Variants in CNTLN observed in about 807,000 individuals in gnomAD.
CNTLN encodes centlein.
A neutral mutation model predicts 180.0 loss-of-function variants in CNTLN; 212 were observed. That is an observed-to-expected ratio of 1.18 (90% CI 1.05 to 1.32). The LOEUF (loss-of-function observed/expected upper bound fraction) is 1.32. CNTLN is among the 40% of genes most tolerant of loss of function. The pLI is 0.00. For synonymous variants in CNTLN, 722 were observed against 563.1 expected (o/e 1.28, Z -3.99); for missense variants, 2,095 against 1,610.9 (o/e 1.30, Z -5.14).
At chr9:17,448,807 C>T (rs1185060884) in intron 18 of CNTLN, among the ~76,000 whole-genome samples, 1 of 151,822 alleles carries the variant, frequency 6.6e-6, no homozygotes, top group Non-Finnish European at 1.5e-5. Context: ...AAAATATTGA[C>T]AAAGAGGGTG....
intron 6 of CNTLN, among the ~76,000 whole-genome samples, chr9:17,276,603 C>T (rs1480619439): frequency 6.6e-6 from 1 of 151,768 alleles, no homozygotes; most frequent in African/African-American, 2.4e-5. Flanking sequence ...ATGATTTTTG[C>T]CTAGGTTACA....
chr9:17,386,020 C>T (rs939115172), intron 13 of CNTLN, among the ~76,000 whole-genome samples: 1 of 152,110 alleles, frequency 6.6e-6, no homozygotes, highest in Admixed American at 6.5e-5. Flanking sequence ...ATTGCCCATA[C>T]AATAAGTTGA....
intron 11 of CNTLN, 65 bp downstream of exon 11, chr9:17,341,013 G>C (rs1821440336): frequency 1.4e-6 from 2 of 1,402,124 alleles, no homozygotes; most frequent in South Asian, 1.7e-5. Context: ...GCATTATATA[G>C]GTGTCTTAAT....
intron 5 of CNTLN, among the ~76,000 whole-genome samples, chr9:17,269,704 T>C (rs1827793992): frequency 1.3e-5 from 2 of 152,170 alleles, no homozygotes; most frequent in Admixed American, 1.3e-4. Context: ...ATGTTTCATG[T>C]GCCATTAAGA....
At chr9:17,515,931 T>C in the CNTLN span, among the ~76,000 whole-genome samples, 3 of 152,192 alleles carry the variant, frequency 2.0e-5, no homozygotes, top group African/African-American at 7.2e-5. Flanking sequence ...CCTTCAGCCT[T>C]CAAGGCCTGC....
chr9:17,525,360 G>A, the CNTLN span, among the ~76,000 whole-genome samples: 2 of 152,120 alleles, frequency 1.3e-5, no homozygotes, highest in African/African-American at 2.4e-5. Flanking sequence ...ATGGGTACTG[G>A]AAAGTGTTTT....
chr9:17,178,866 T>G (rs940857802), intron 2 of CNTLN, among the ~76,000 whole-genome samples: 6 of 152,094 alleles, frequency 3.9e-5, no homozygotes, highest in South Asian at 2.1e-4. Flanking sequence ...TCCTGAAGCG[T>G]GGCCAGAGTG....
chr9:17,446,869 A>G (rs1404079602), intron 18 of CNTLN, among the ~76,000 whole-genome samples: 1 of 152,190 alleles, frequency 6.6e-6, no homozygotes, highest in East Asian at 1.9e-4. Context: ...TTGAAATCTG[A>G]TTTCTAGGAA....
At chr9:17,429,079 T>C (rs1444474525) in intron 18 of CNTLN, among the ~76,000 whole-genome samples, 3 of 152,068 alleles carry the variant, frequency 2.0e-5, no homozygotes, top group Non-Finnish European at 2.9e-5. Flanking sequence ...TATATTTATA[T>C]AGATGTTTTA....
At chr9:17,487,140 T>C in intron 25 of CNTLN, 74 bp downstream of exon 25, 1 of 967,742 alleles carries the variant, frequency 1.0e-6, no homozygotes, top group Non-Finnish European at 1.6e-6. Context: ...ACCAGATGTC[T>C]AACTTTTTGT....
At chr9:17,452,390 A>G (rs544246545) in intron 18 of CNTLN, among the ~76,000 whole-genome samples, 37 of 152,326 alleles carry the variant, frequency 2.4e-4, no homozygotes, top group Non-Finnish European at 4.0e-4. Flanking sequence ...CAGAGTGGTC[A>G]TAGATCTAAG....
At chr9:17,228,486 A>G (rs1824615377) in intron 3 of CNTLN, among the ~76,000 whole-genome samples, 1 of 152,110 alleles carries the variant, frequency 6.6e-6, no homozygotes, top group Admixed American at 6.6e-5. Context: ...TATTAAATGT[A>G]TATATTATCC....
intron 8 of CNTLN, among the ~76,000 whole-genome samples, chr9:17,316,625 C>A (rs1347656693): frequency 6.6e-6 from 1 of 151,902 alleles, no homozygotes; most frequent in Non-Finnish European, 1.5e-5. Flanking sequence ...TAAGGTAAAC[C>A]ATTTTAAGTC....
intron 12 of CNTLN, among the ~76,000 whole-genome samples, chr9:17,355,319 C>A (rs1454186779): frequency 5.9e-5 from 9 of 152,142 alleles, no homozygotes; most frequent in African/African-American, 2.2e-4. Context: ...GCCACCGTGC[C>A]CAGCCATAGT....
At chr9:17,177,205 C>T (rs892838182) in intron 2 of CNTLN, among the ~76,000 whole-genome samples, 1 of 151,926 alleles carries the variant, frequency 6.6e-6, no homozygotes, top group Non-Finnish European at 1.5e-5. Context: ...GTCAGGAGAC[C>T]GAGACTATCT....
chr9:17,385,148 A>G (rs1825589734), intron 13 of CNTLN, among the ~76,000 whole-genome samples: 2 of 152,198 alleles, frequency 1.3e-5, no homozygotes, highest in South Asian at 4.1e-4. Context: ...GAAGAGTTGC[A>G]TAGTTCATGG....
intron 2 of CNTLN, among the ~76,000 whole-genome samples, chr9:17,161,161 TTAG>T (rs1443341516): frequency 3.3e-5 from 5 of 152,146 alleles, no homozygotes; most frequent in African/African-American, 9.6e-5. Context: ...TTTGATTTCC[TTAG>T]TAGAATAATA....
At chr9:17,451,297 A>C (rs1381369947) in intron 18 of CNTLN, among the ~76,000 whole-genome samples, 1 of 152,160 alleles carries the variant, frequency 6.6e-6, no homozygotes, top group Middle Eastern at 3.2e-3. Context: ...TTTATGTTGT[A>C]ATTTTTTAGA....
intron 12 of CNTLN, among the ~76,000 whole-genome samples, chr9:17,344,238 C>G (rs1821705879): frequency 6.6e-6 from 1 of 152,118 alleles, no homozygotes; most frequent in Non-Finnish European, 1.5e-5. Context: ...GATCTGTTCA[C>G]TTAGCAATAT....
Sources: allele counts gnomAD v4.1 joint callset (sites outside exome capture counted in the v4.1 genomes callset), GRCh38; gene constraint gnomAD v4.1.1; transcripts MANE v1.5; gene names NCBI Gene and HGNC (gene_info 2026-07-23, HGNC 2026-07-21).